The following RALYL variants were observed in gnomAD, a reference collection of about 807,000 sequenced individuals.
RALYL encodes the protein RALY RNA binding protein like.
RALYL carries 29 observed loss-of-function variants against 35.1 expected under a neutral mutation model. The ratio of observed to expected loss-of-function variants is 0.83; its 90% CI spans 0.61 to 1.13. The LOEUF is 1.13. Ranked by LOEUF, RALYL falls within the 50% of genes most tolerant of loss-of-function variation. The probability of loss-of-function intolerance (pLI) is 0.00; values close to 1 mark genes in which losing one functional copy is unlikely to be tolerated. For missense variants in RALYL, 359 were observed against 360.4 expected (o/e 1.00, Z 0.03); for synonymous variants, 120 against 127.6 (o/e 0.94, Z 0.40).
intron 2 of RALYL, among the ~76,000 whole-genome samples, chr8:84,606,476 A>G (rs942518467): frequency 2.0e-5 from 3 of 152,198 alleles, no homozygotes; most frequent in African/African-American, 4.8e-5. Context: ...AAACACAAGG[A>G]CATTGCTTTA....
chr8:84,382,651 AAT>A (rs2131622012), intron 1 of RALYL, among the ~76,000 whole-genome samples: 1 of 151,836 alleles, frequency 6.6e-6, no homozygotes, highest in African/African-American at 2.4e-5. Flanking sequence ...TGAATATAAA[AAT>A]ATATATCATT....
chr8:84,621,704 G>A (rs747369090), intron 2 of RALYL, among the ~76,000 whole-genome samples: 2 of 152,126 alleles, frequency 1.3e-5, no homozygotes, highest in African/African-American at 2.4e-5. Context: ...TTTACTTCAA[G>A]GTTTCCTATC....
intron 2 of RALYL, among the ~76,000 whole-genome samples, chr8:84,724,268 A>T (rs568377917): frequency 1.1e-4 from 17 of 151,818 alleles, no homozygotes; most frequent in Non-Finnish European, 2.5e-4. Context: ...TGGAAATTTA[A>T]TCAGTAGTCT....
intron 2 of RALYL, among the ~76,000 whole-genome samples, chr8:84,709,025 G>T (rs1025461756): frequency 1.3e-5 from 2 of 152,082 alleles, no homozygotes; most frequent in Non-Finnish European, 2.9e-5. Context: ...ATCTTTGGGT[G>T]AGCTTATCGA....
At chr8:84,917,291 T>C (rs1326803706) in intron 8 of RALYL, among the ~76,000 whole-genome samples, 1 of 151,664 alleles carries the variant, frequency 6.6e-6, no homozygotes, top group Non-Finnish European at 1.5e-5. Context: ...GTTATAAAAC[T>C]GAACAGTTAG....
At chr8:84,294,338 T>A (rs1021506166) in intron 1 of RALYL, among the ~76,000 whole-genome samples, 4 of 152,200 alleles carry the variant, frequency 2.6e-5, no homozygotes, top group East Asian at 1.9e-4. Flanking sequence ...GTTATTTTTT[T>A]AAAAAGAGGC....
chr8:84,847,739 C>A (rs533369240), intron 4 of RALYL, among the ~76,000 whole-genome samples: 118 of 152,294 alleles, frequency 7.7e-4, no homozygotes, highest in African/African-American at 2.2e-3. Context: ...TCATTGTCCC[C>A]TTGGTTTGCA....
chr8:84,352,255 G>A (rs1041611578), intron 1 of RALYL, among the ~76,000 whole-genome samples: 7 of 150,046 alleles, frequency 4.7e-5, no homozygotes, highest in East Asian at 1.9e-4. Context: ...GATTTTACCC[G>A]GTTAGTTCTC....
intron 1 of RALYL, among the ~76,000 whole-genome samples, chr8:84,514,830 T>C (rs928089628): frequency 2.1e-5 from 3 of 144,716 alleles, no homozygotes; most frequent in Admixed American, 7.0e-5. Context: ...ACCCCAGTAA[T>C]AGGTTTTTGC....
intron 1 of RALYL, among the ~76,000 whole-genome samples, chr8:84,303,447 T>G (rs1841196194): frequency 6.6e-6 from 1 of 152,250 alleles, no homozygotes; most frequent in African/African-American, 2.4e-5. Context: ...CTGTAATTGC[T>G]GACAACTGTG....
chr8:84,600,145 A>G (rs1588436344), intron 2 of RALYL, among the ~76,000 whole-genome samples: 1 of 152,094 alleles, frequency 6.6e-6, no homozygotes, highest in East Asian at 1.9e-4. Flanking sequence ...ATTTGCTGTT[A>G]TTATTTTTGC....
chr8:84,444,624 A>G (rs2048676998), intron 1 of RALYL, among the ~76,000 whole-genome samples: 1 of 152,088 alleles, frequency 6.6e-6, no homozygotes, highest in Non-Finnish European at 1.5e-5. Flanking sequence ...GGAAGAAGAT[A>G]TTTCTAGAAA....
intron 2 of RALYL, among the ~76,000 whole-genome samples, chr8:84,594,922 T>C (rs1444255262): frequency 1.5e-5 from 2 of 137,856 alleles, no homozygotes; most frequent in Non-Finnish European, 3.1e-5. Context: ...TAGAGCATGG[T>C]TGCTTTTAAA....
intron 2 of RALYL, among the ~76,000 whole-genome samples, chr8:84,716,356 T>C (rs867014752): frequency 6.6e-6 from 1 of 152,194 alleles, no homozygotes; most frequent in African/African-American, 2.4e-5. Flanking sequence ...ATAGTCTCAG[T>C]AATTAGTGAG....
intron 3 of RALYL, among the ~76,000 whole-genome samples, chr8:84,782,244 A>G (rs1421149148): frequency 6.6e-6 from 1 of 152,194 alleles, no homozygotes; most frequent in Non-Finnish European, 1.5e-5. Context: ...ATTACCACAC[A>G]GCTGCATACT....
At chr8:84,403,496 C>G (rs1297517219) in intron 1 of RALYL, among the ~76,000 whole-genome samples, 1 of 92,780 alleles carries the variant, frequency 1.1e-5, no homozygotes, top group Non-Finnish European at 2.2e-5. Context: ...TCTGAGGGCT[C>G]TGTTCTGTTC....
At chr8:84,245,549 T>C (rs1391131544) in intron 1 of RALYL, among the ~76,000 whole-genome samples, 1 of 152,146 alleles carries the variant, frequency 6.6e-6, no homozygotes, top group Non-Finnish European at 1.5e-5. Flanking sequence ...AATTAGATAA[T>C]AAGGAAATCT....
chr8:84,515,093 C>A (rs193292669), intron 1 of RALYL, among the ~76,000 whole-genome samples: 1 of 152,264 alleles, frequency 6.6e-6, no homozygotes, highest in African/African-American at 2.4e-5. Context: ...TTGTGTTTTT[C>A]TGTATAAATC....
At chr8:84,848,725 T>C (rs950048942) in intron 4 of RALYL, among the ~76,000 whole-genome samples, 7 of 152,226 alleles carry the variant, frequency 4.6e-5, no homozygotes, top group Admixed American at 3.3e-4. Context: ...GCAATGTTTG[T>C]ACAATTTTGT....
Sources: gnomAD v4.1 joint callset for allele counts (sites outside exome capture counted in the v4.1 genomes callset) on GRCh38, gnomAD v4.1.1 for gene constraint, MANE v1.5 for transcripts, NCBI Gene and HGNC (gene_info 2026-07-23, HGNC 2026-07-21) for gene names.